HCRTR1: variants seen among roughly 807,000 people sequenced by gnomAD.
HCRTR1 encodes hypocretin receptor 1.
Under a neutral mutation model 40.6 loss-of-function variants are expected in HCRTR1, and 28 were observed. The observed-to-expected ratio is 0.69, with a 90% CI of 0.51 to 0.95. HCRTR1 has a LOEUF of 0.95. Among genes scored for constraint, HCRTR1 ranks in the 40% least tolerant of loss-of-function variants. The probability of loss-of-function intolerance (pLI) is 0.00; values close to 1 mark genes in which losing one functional copy is unlikely to be tolerated. For synonymous variants in HCRTR1, 209 were observed against 230.0 expected (o/e 0.91, Z 0.83); for missense variants, 482 against 564.7 (o/e 0.85, Z 1.48).
rs201931199 is a variant in HCRTR1 at position 31,621,580 on chromosome 1, C to A, written c.726C>A (p.Leu242=). 1.2e-6 allele frequency: 2 copies of A among 1,612,714 alleles called. No individual in the cohort carries two copies. The highest frequency in any genetic ancestry group is 2.7e-5 in the African/African-American group (2 of 74,936). ...AMAYFQIFRK[L]WGRQIPGTTS... ...CCTATTTCCAGATATTCCGCAAGCT[C>A]TGGGGCCGCCAGGTGAGGCCCACTC... is the stretch of plus-strand genomic sequence containing the variant. The change falls in exon 6 of 9, where the codon CTC becomes CTA. Residue 242 remains leucine (L), a synonymous_variant. Coordinates refer to ENST00000403528, the MANE Select transcript of HCRTR1 (RefSeq NM_001525.3).
At chr1:31,623,991 C>T (rs1310419394) in intron 7 of HCRTR1, among the ~76,000 whole-genome samples, 3 of 152,128 alleles carry the variant, frequency 2.0e-5, no homozygotes, top group Non-Finnish European at 4.4e-5. Flanking sequence ...AGACAAAGTC[C>T]CTGCCTTCAT....
At chr1:31,619,431 C>G (rs1458037948) in intron 3 of HCRTR1, 40 bp downstream of exon 3, 3 of 1,613,206 alleles carry the variant, frequency 1.9e-6, no homozygotes, top group Non-Finnish European at 2.5e-6. Context: ...CCGGCTTTCC[C>G]TGGGGATTGA....
chr1:31,624,463 A>AAAAAAAAAC (rs1639931573), intron 7 of HCRTR1, among the ~76,000 whole-genome samples: 1 of 110,966 alleles, frequency 9.0e-6, no homozygotes, highest in African/African-American at 2.7e-5. Flanking sequence ...AAAAAAAAAA[A>AAAAAAAAAC]AAAAAAAAGC....
rs115977509 is a variant in HCRTR1 at position 31,626,982 on chromosome 1, C to A, written c.*2C>A. 10 of 1,609,478 alleles carry A rather than the reference C, an allele frequency of 6.2e-6. No individual in the cohort carries two copies. In the Admixed American group the frequency reaches 1.7e-4, roughly 27 times the overall value. On this transcript the variant is annotated 3_prime_UTR_variant, in exon 9 of 9. Coordinates refer to ENST00000403528, the MANE Select transcript of HCRTR1 (RefSeq NM_001525.3). The surrounding 1 kb of genome is among the most constrained non-coding windows in gnomAD (Gnocchi z 4.6). The stretch of plus-strand genomic sequence containing the variant: ...AGCGTCACCACAGTGCTGCCCTGAG[C>A]GAGGGCTGCCCTGGAGGCTCCGGCT...
Position 31,623,229 on chromosome 1 carries a change from G to A in HCRTR1, c.739-294G>A, listed in dbSNP as rs60629970. On this transcript the variant is annotated intron_variant, in intron 6 of 8. Transcript: ENST00000403528. ...CTGTAATCCCAGCTACTCGGGAGGC[G>A]AGATTGAAGAGAGCCAAGATTGCAC... Among the ~76,000 whole-genome samples the A allele has an allele frequency of 7.4e-3, 1,111 of 150,238 alleles. 11 individuals carry two copies. The highest frequency in any genetic ancestry group is 0.026 in the African/African-American group (1,049 of 40,756).
rs61749523 is a variant in HCRTR1 at position 31,621,053 on chromosome 1, C to T, written c.589C>T (p.Arg197Trp). 347 of 1,610,928 alleles carry T rather than the reference C, an allele frequency of 2.2e-4. No homozygotes were observed. The African/African-American group carries it at 3.9e-3, about 18-fold the overall frequency. ...SVLPELANRT[R>W]LFSVCDERWA... ...GCTGCCTGAGCTAGCCAACCGCACA[C>T]GGCTCTTCTCAGTCTGTGATGAACG... Residue 197 changes from arginine (R) to tryptophan (W), a missense_variant, in exon 5 of 9, where the codon CGG becomes TGG. Physicochemically the swap from Arg to Trp is moderately radical, Grantham distance 101. Coordinates refer to ENST00000403528, the MANE Select transcript of HCRTR1 (RefSeq NM_001525.3).
At chr1:31,624,962 A>G (rs1231692256) in intron 7 of HCRTR1, 35 bp from the exon 8 acceptor site, 1 of 1,559,834 alleles carries the variant, frequency 6.4e-7, no homozygotes, top group Non-Finnish European at 8.7e-7. Flanking sequence ...ATACGCAGCT[A>G]CCCCATTTCT....
At chr1:31,624,945 T>C in intron 7 of HCRTR1, 52 bp from the exon 8 acceptor site, 1 of 1,529,140 alleles carries the variant, frequency 6.5e-7, no homozygotes. Flanking sequence ...ACTCCCCCAG[T>C]ACATGCATAC....
downstream of HCRTR1, chr1:31,632,392 G>A: frequency 6.4e-7 from 1 of 1,573,512 alleles, no homozygotes; most frequent in Non-Finnish European, 8.7e-7. Flanking sequence ...TGTAGTGCAG[G>A]TGGACATTCG....
intron 4 of HCRTR1, 134 bp from the exon 5 acceptor site, chr1:31,620,709 C>A: frequency 8.6e-7 from 1 of 1,160,984 alleles, no homozygotes; most frequent in Non-Finnish European, 1.2e-6. Flanking sequence ...GTGACTTGCC[C>A]ACATTTACAC....
downstream of HCRTR1, chr1:31,632,743 C>T (rs1469168164): frequency 2.1e-5 from 29 of 1,366,890 alleles, no homozygotes; most frequent in Non-Finnish European, 2.5e-5. Context: ...CTGGAGTAGG[C>T]GACTTCACAG....
In HCRTR1 at chr1:31,625,094, C is replaced by A. The variant is rs1199758263; in HGVS notation, c.1063C>A (p.Pro355Thr). Residue 355 changes from proline to threonine, a missense_variant, in exon 8 of 9, where the codon CCC (proline) becomes ACC (threonine). Physicochemically the swap from Pro to Thr is conservative, Grantham distance 38. Coordinates refer to ENST00000403528, the MANE Select transcript of HCRTR1 (RefSeq NM_001525.3). The surrounding 1 kb of genome is among the most constrained non-coding windows in gnomAD (Gnocchi z 4.2). Reference protein sequence around the residue: ...WLVYANSAANPIIYNFLSGKF... With the variant: ...WLVYANSAANTIIYNFLSGKF... ...GGTGTACGCCAACAGCGCTGCCAACCCCATCATCTACAACTTCCTCAGTGG... is the reference window on the plus strand; with the variant it reads ...GGTGTACGCCAACAGCGCTGCCAACACCATCATCTACAACTTCCTCAGTGG... The A allele has an allele frequency of 6.2e-7, 1 of 1,611,842 alleles. No individual in the cohort carries two copies. The highest frequency in any genetic ancestry group is 1.7e-5 in the Admixed American group (1 of 59,802).
At chr1:31,633,854 C>G (rs2148618422), downstream of HCRTR1, among the ~76,000 whole-genome samples, 1 of 151,936 alleles carries the variant, frequency 6.6e-6, no homozygotes, top group East Asian at 1.9e-4. Context: ...ACTGGGGAGG[C>G]TGAAGCAGGA....
Position 31,627,504 on chromosome 1 carries a change from A to C in HCRTR1, c.*524A>C. 4.1e-6 allele frequency: 2 copies of C among 489,108 alleles called. No individual in the cohort carries two copies. Among genetic ancestry groups the C allele is most frequent in the Non-Finnish European group, 7.1e-6 (2 of 280,306 alleles). The allele number at this position is 489,108 out of a possible 1,614,324, so 30.3% of individuals were successfully genotyped here. On this transcript the variant is annotated 3_prime_UTR_variant, in exon 9 of 9. Coordinates refer to ENST00000403528, the MANE Select transcript of HCRTR1 (RefSeq NM_001525.3). ...CCCTAACCAGGTGCCAAGGGCACAC[A>C]CCACAGACCCGACCTTGTTGGCTTT...
At chr1:31,624,701 T>C (rs773735947) in intron 7 of HCRTR1, among the ~76,000 whole-genome samples, 1 of 152,118 alleles carries the variant, frequency 6.6e-6, no homozygotes, top group Non-Finnish European at 1.5e-5. Context: ...AATGGAAAAA[T>C]GGATGATGTC....
rs1639836684 is a variant in HCRTR1 at position 31,620,830 on chromosome 1, C to A, written c.379-13C>A. The A allele has an allele frequency of 6.2e-7, 1 of 1,609,928 alleles. No individual in the cohort carries two copies. The highest frequency in any genetic ancestry group is 8.5e-7 in the Non-Finnish European group (1 of 1,177,560). On this transcript the variant is annotated splice_polypyrimidine_tract_variant and intron_variant, in intron 4 of 8. Coordinates refer to ENST00000403528, the MANE Select transcript of HCRTR1 (RefSeq NM_001525.3). ...GCCCCCAAAATGACCGACGTTGTGT[C>A]CCCGTGGGGCAGGCTGTGTCCGTGT...
Position 31,623,532 on chromosome 1 carries a change from A to G in HCRTR1, c.748A>G (p.Thr250Ala). The change falls in exon 7 of 9, where the codon ACC (threonine) becomes GCC (alanine). Residue 250 changes from threonine (T) to alanine (A), a missense_variant. Physicochemically the swap from Thr to Ala is moderately conservative, Grantham distance 58 (BLOSUM62 0). Coordinates refer to ENST00000403528, the MANE Select transcript of HCRTR1 (RefSeq NM_001525.3). ...RKLWGRQIPG[T>A]TSALVRNWKR... Reference sequence around the variant, plus strand: ...TATGTGTGCTGGACAGATCCCCGGCACCACCTCAGCACTGGTGCGGAACTG... The same window carrying G: ...TATGTGTGCTGGACAGATCCCCGGCGCCACCTCAGCACTGGTGCGGAACTG... The G allele has an allele frequency of 6.2e-7, 1 of 1,612,422 alleles. No homozygotes were observed.
At chr1:31,632,775 T>G (rs866712630), downstream of HCRTR1, 304 of 1,011,968 alleles carry the variant, frequency 3.0e-4, 1 homozygote, top group Middle Eastern at 5.8e-3. Context: ...GAGGCCCAGA[T>G]GCCTGCACCT....
chr1:31,621,632 G>A (rs752363946), intron 6 of HCRTR1, 40 bp downstream of exon 6: 4 of 1,422,324 alleles, frequency 2.8e-6, no homozygotes, highest in African/African-American at 1.4e-5. Context: ...CAGTCACTGT[G>A]TGGGCTGGGG....
Sources: allele counts gnomAD v4.1 joint callset (sites outside exome capture counted in the v4.1 genomes callset), GRCh38; gene constraint gnomAD v4.1.1; non-coding constraint Gnocchi (gnomAD v3.1); transcripts MANE v1.5; gene names NCBI Gene and HGNC (gene_info 2026-07-23, HGNC 2026-07-21).